ARID4B: variants seen among roughly 807,000 people sequenced by gnomAD.
ARID4B encodes the protein AT-rich interaction domain 4B.
A neutral mutation model predicts 147.5 loss-of-function variants in ARID4B; 26 were observed. The observed-to-expected ratio is 0.18, with a 90% confidence interval of 0.13 to 0.24. ARID4B has a LOEUF of 0.24. Ranked by LOEUF, ARID4B falls within the 10% of genes least tolerant of loss-of-function variation. The pLI, the probability that ARID4B is intolerant of heterozygous loss-of-function variation, is 1.00. For synonymous variants in ARID4B, 512 were observed against 507.9 expected, an observed-to-expected ratio of 1.01 and a Z score of -0.11; for missense variants, 1,179 against 1,511.5, an observed-to-expected ratio of 0.78 and a Z score of 3.65.
rs375521559 is a variant in ARID4B, at chr1:235,169,738, T to A, written c.3812-1086A>T. 5.3e-5 allele frequency among the ~76,000 whole-genome samples: 8 copies of A among 152,080 alleles called. No individual in the cohort carries two copies. The East Asian group carries it at 1.4e-3, about 26-fold the overall frequency. On this transcript the variant is annotated intron_variant, in intron 23 of 23. Transcript: ENST00000264183. ...CTGCAGCAGTGCAATCTCAGCTCACTGCAACCTTTGCCTCCTGGGTTCAAG... is the reference window on the plus strand; with the variant it reads ...CTGCAGCAGTGCAATCTCAGCTCACAGCAACCTTTGCCTCCTGGGTTCAAG...
chr1:235,242,877 T>C (rs949484195), intron 7 of ARID4B, among the ~76,000 whole-genome samples: 2 of 152,162 alleles, frequency 1.3e-5, no homozygotes, highest in African/African-American at 2.4e-5. Context: ...AAGACTTTGT[T>C]CCACCTTATT....
At chr1:235,215,009 T>A (rs1346651392) in intron 16 of ARID4B, among the ~76,000 whole-genome samples, 1 of 151,418 alleles carries the variant, frequency 6.6e-6, no homozygotes, top group African/African-American at 2.4e-5. Flanking sequence ...ACCCAGCTAA[T>A]TTTTTTTGTA....
chr1:235,201,183 A>G (rs1298092836), intron 17 of ARID4B, among the ~76,000 whole-genome samples: 1 of 152,100 alleles, frequency 6.6e-6, no homozygotes, highest in South Asian at 2.1e-4. Context: ...GTAAAACAAA[A>G]TAACTGGAAA....
At chr1:235,275,625 A>G (rs1382418497) in intron 2 of ARID4B, among the ~76,000 whole-genome samples, 5 of 152,160 alleles carry the variant, frequency 3.3e-5, no homozygotes, top group Non-Finnish European at 2.9e-5. Context: ...TCTGCTTTTC[A>G]TCACCTGAAA....
Position 235,177,844 on chromosome 1 carries a change from C to T in ARID4B, c.3404G>A (p.Ser1135Asn). The T allele has an allele frequency of 6.2e-7, 1 of 1,612,644 alleles. No homozygotes were observed. The highest frequency in any genetic ancestry group is 8.5e-7 in the Non-Finnish European group (1 of 1,179,278). ...GTTGTTTACCACTGTTGCTTTATGG[C>T]TTCTTTTCTGCTTTTTTGATGAACT... ...GGSSSKKQKR[S>N]HKATVVNNKK... is the part of the protein sequence containing the mutation. Residue 1135 changes from serine to asparagine, a missense_variant, in exon 21 of 24, where the codon AGC (serine) becomes AAC (asparagine). By Grantham distance (46) the Ser-to-Asn change is conservative (BLOSUM62 1). Around this residue, in one of 10 missense-constraint regions of ARID4B, gnomAD observed 357 missense variants for 427.3 expected, o/e 0.84. Coordinates refer to ENST00000264183, the MANE Select transcript of ARID4B (RefSeq NM_016374.6).
In ARID4B at chr1:235,255,769, T is replaced by G; in HGVS notation, c.184-19A>C. 1 of 1,570,000 alleles carries G rather than the reference T, an allele frequency of 6.4e-7. No individual in the cohort carries two copies. Among genetic ancestry groups the G allele is most frequent in the Non-Finnish European group, 8.7e-7 (1 of 1,152,748 alleles). On this transcript the variant is annotated intron_variant, in intron 4 of 23. Transcript: ENST00000264183. ...CTCCTACCTAAAGTATTTTTAAACA[T>G]GTTAGAAAAACTTTTAAAAGGTAAA... is the stretch of plus-strand genomic sequence containing the variant.
intron 6 of ARID4B, among the ~76,000 whole-genome samples, chr1:235,247,778 C>T (rs1470508150): frequency 6.6e-6 from 1 of 152,066 alleles, no homozygotes; most frequent in Non-Finnish European, 1.5e-5. Flanking sequence ...TACCTGAGAT[C>T]GGGAGTTGGA....
chr1:235,169,565 T>TCA (rs1663184383), intron 23 of ARID4B, among the ~76,000 whole-genome samples: 1 of 151,416 alleles, frequency 6.6e-6, no homozygotes, highest in Non-Finnish European at 1.5e-5. Context: ...AGACGGAGTC[T>TCA]CACTCTGTCG....
chr1:235,219,887 T>G lies in ARID4B; in HGVS notation c.1489A>C (p.Asn497His). ...TCATCTTTGTCATCCAGATTTTCATTGTCTTCTGGTTTTTTAATGTTAACT... is the reference window on the plus strand; with the variant it reads ...TCATCTTTGTCATCCAGATTTTCATGGTCTTCTGGTTTTTTAATGTTAACT... ...KEVNIKKPEDNENLDDKDDDT... is the reference protein window; with the variant it reads ...KEVNIKKPEDHENLDDKDDDT... The change falls in exon 16 of 24, where the codon AAT (asparagine) becomes CAT (histidine). Residue 497 changes from asparagine to histidine, a missense_variant. Around this residue, in one of 10 missense-constraint regions of ARID4B, gnomAD observed 204 missense variants for 210.9 expected, o/e 0.97. Coordinates refer to ENST00000264183, the MANE Select transcript of ARID4B (RefSeq NM_016374.6). 2 of 1,601,794 alleles carry G rather than the reference T, an allele frequency of 1.2e-6. No homozygotes were observed. Among genetic ancestry groups the G allele is most frequent in the Non-Finnish European group, 1.7e-6 (2 of 1,170,766 alleles).
chr1:235,221,230 G>C (rs1667448610), intron 14 of ARID4B, among the ~76,000 whole-genome samples: 1 of 152,184 alleles, frequency 6.6e-6, no homozygotes. Context: ...AGAAACTGAG[G>C]CTTAGGAGAA....
intron 23 of ARID4B, among the ~76,000 whole-genome samples, chr1:235,169,969 T>C (rs1008944210): frequency 6.6e-6 from 1 of 152,130 alleles, no homozygotes; most frequent in Non-Finnish European, 1.5e-5. Flanking sequence ...GCCTCTCTGT[T>C]ATAAATTAGT....
rs147900250 is a variant in ARID4B, at chr1:235,175,282, T to C, written c.3566A>G (p.Gln1189Arg). ...SHSTKSPART[Q>R]SPGKCGKNGD... is the part of the protein sequence containing the mutation. Reference sequence around the variant, plus strand: ...ATTCTTTCCACATTTTCCTGGAGACTGCGTCCTTGCGGGAGATTTGGTACT... The same window carrying C: ...ATTCTTTCCACATTTTCCTGGAGACCGCGTCCTTGCGGGAGATTTGGTACT... Residue 1189 changes from glutamine to arginine, a missense_variant, in exon 22 of 24, where the codon CAG becomes CGG. Physicochemically the swap from Gln to Arg is conservative, Grantham distance 43 (BLOSUM62 1). Coordinates refer to ENST00000264183, the MANE Select transcript of ARID4B (RefSeq NM_016374.6). 4.2e-4 allele frequency: 675 copies of C among 1,614,188 alleles called. No homozygotes were observed. Among genetic ancestry groups the C allele is most frequent in the Non-Finnish European group, 5.4e-4 (632 of 1,180,004 alleles).
intron 19 of ARID4B, chr1:235,189,975 AAGAC>A (rs1359760683): frequency 1.3e-5 from 2 of 154,378 alleles, no homozygotes; most frequent in Non-Finnish European, 1.5e-5. Flanking sequence ...CTAGAACAGA[AAGAC>A]AGAAGTTGCT....
chr1:235,295,559 C>T (rs1026967679), intron 2 of ARID4B, among the ~76,000 whole-genome samples: 12 of 151,464 alleles, frequency 7.9e-5, no homozygotes, highest in Non-Finnish European at 8.8e-5. Context: ...CGCCTGTAAT[C>T]CCAGCACTTT....
In ARID4B at chr1:235,312,251, A is replaced by G. The variant is rs1250656267; in HGVS notation, c.6+14663T>C. Among the ~76,000 whole-genome samples, 3 of 152,190 alleles carry G rather than the reference A, an allele frequency of 2.0e-5. No homozygotes were observed. In the East Asian group the frequency reaches 5.8e-4, roughly 29 times the overall value. On this transcript the variant is annotated intron_variant, in intron 2 of 23. Coordinates refer to ENST00000264183, the MANE Select transcript of ARID4B (RefSeq NM_016374.6). ...CAGTTAGCCAAGATCGTGCCACCAC[A>G]CTCTAGTCTGGTGACAGAGCGACAG...
Position 235,223,382 on chromosome 1 carries a change from T to TATATATACGTATATATATATATATAC in ARID4B, c.971-123_971-122insGTATATATATATATATACGTATATAT, listed in dbSNP as rs71172272. ...ATATATATACACGTATATATATATA[T>TATATATACGTATATATATATATATAC]ACACGTATATATATGTGTGTGTATA... On this transcript the variant is annotated intron_variant, in intron 12 of 23. Coordinates refer to ENST00000264183, the MANE Select transcript of ARID4B (RefSeq NM_016374.6). 4.2e-5 allele frequency: 9 copies of TATATATACGTATATATATATATATAC among 214,196 alleles called. No individual in the cohort carries two copies. In the East Asian group the frequency reaches 8.8e-4, roughly 21 times the overall value. 13.3% of individuals were successfully genotyped at this position (214,196 alleles called of 1,614,324 possible). A position where few individuals can be genotyped will look rare whatever the true frequency, so the allele number is the denominator to read the frequency against.
At chr1:235,197,229 AAGTTATATACATT>A (rs1665567662) in intron 17 of ARID4B, among the ~76,000 whole-genome samples, 1 of 152,202 alleles carries the variant, frequency 6.6e-6, no homozygotes, top group Admixed American at 6.5e-5. Context: ...TTTGTGTTCA[AAGTTATATACATT>A]ACTCATAGAA....
At chr1:235,293,867 A>C (rs1358159652) in intron 2 of ARID4B, among the ~76,000 whole-genome samples, 1 of 152,220 alleles carries the variant, frequency 6.6e-6, no homozygotes, top group Non-Finnish European at 1.5e-5. Flanking sequence ...TCCACCAGAA[A>C]AATGCCTAGT....
At chr1:235,229,477 T>C in intron 10 of ARID4B, 92 bp from the exon 11 acceptor site, 1 of 874,716 alleles carries the variant, frequency 1.1e-6, no homozygotes, top group South Asian at 1.5e-5. Context: ...TAAAAACTAC[T>C]GTGCTAATAC....
Sources: allele counts gnomAD v4.1 joint callset (sites outside exome capture counted in the v4.1 genomes callset), GRCh38; gene constraint gnomAD v4.1.1; regional missense constraint gnomAD v4.1.1; transcripts MANE v1.5; gene names NCBI Gene and HGNC (gene_info 2026-07-23, HGNC 2026-07-21).